The following CACNB2 variants were observed in gnomAD, a reference collection of about 807,000 sequenced individuals.
The protein encoded by CACNB2 is voltage-dependent L-type calcium channel subunit beta-2.
A neutral mutation model predicts 73.3 loss-of-function variants in CACNB2; 42 were observed. That is an observed-to-expected ratio of 0.57 (90% confidence interval 0.45 to 0.74). The LOEUF is 0.74. Among genes scored for constraint, CACNB2 ranks in the 30% least tolerant of loss-of-function variants. The probability of loss-of-function intolerance (pLI) is 0.00; values close to 1 mark genes in which losing one functional copy is unlikely to be tolerated. For synonymous variants in CACNB2, 348 were observed against 310.3 expected (o/e 1.12, Z -1.28); for missense variants, 940 against 853.0 (o/e 1.10, Z -1.27).
intron 2 of CACNB2, among the ~76,000 whole-genome samples, chr10:18,290,761 T>G (rs2039031457): frequency 6.6e-6 from 1 of 152,196 alleles, no homozygotes; most frequent in Non-Finnish European, 1.5e-5. Flanking sequence ...CGGTGTTGCT[T>G]GCTGAGGGGG....
At chr10:18,527,727 T>A in intron 10 of CACNB2, 30 bp downstream of exon 10, 1 of 1,314,472 alleles carries the variant, frequency 7.6e-7, no homozygotes, top group Non-Finnish European at 1.1e-6. Context: ...TTAAGCTTTT[T>A]AAACTCTCCT....
chr10:18,243,729 A>C (rs1311615454), intron 2 of CACNB2, among the ~76,000 whole-genome samples: 1 of 152,130 alleles, frequency 6.6e-6, no homozygotes, highest in African/African-American at 2.4e-5. Context: ...CTCTTGGCAC[A>C]TGATTTCTAC....
intron 2 of CACNB2, among the ~76,000 whole-genome samples, chr10:18,325,945 A>G (rs2040573565): frequency 6.6e-6 from 1 of 152,002 alleles, no homozygotes; most frequent in East Asian, 1.9e-4. Flanking sequence ...TAATTCCTCC[A>G]TATTGCCCAG....
intron 2 of CACNB2, among the ~76,000 whole-genome samples, chr10:18,231,024 T>A: frequency 6.6e-6 from 1 of 152,312 alleles, no homozygotes; most frequent in Non-Finnish European, 1.5e-5. Context: ...AACGAAAGGA[T>A]GCGTCTCAGT....
intron 2 of CACNB2, among the ~76,000 whole-genome samples, chr10:18,301,898 T>A (rs372875919): frequency 6.6e-6 from 1 of 151,894 alleles, no homozygotes; most frequent in African/African-American, 2.4e-5. Context: ...CCTCCCACCT[T>A]GGCCCCCCAG....
intron 2 of CACNB2, among the ~76,000 whole-genome samples, chr10:18,190,791 A>C (rs1588661464): frequency 6.6e-6 from 1 of 152,336 alleles, no homozygotes; most frequent in Middle Eastern, 3.4e-3. Context: ...TATTTCAAGC[A>C]GCATGAAGAG....
intron 1 of CACNB2, among the ~76,000 whole-genome samples, chr10:18,148,543 A>G (rs1588544928): frequency 6.6e-6 from 1 of 152,368 alleles, no homozygotes; most frequent in East Asian, 1.9e-4. Context: ...GAATGTCTTC[A>G]ACATTGTGTG....
At chr10:18,257,813 G>T (rs553970307) in intron 2 of CACNB2, among the ~76,000 whole-genome samples, 1 of 152,046 alleles carries the variant, frequency 6.6e-6, no homozygotes, top group African/African-American at 2.4e-5. Flanking sequence ...GCATGATCTC[G>T]GCTCACTGCA....
chr10:18,217,355 GC>G (rs2035554010), intron 2 of CACNB2, among the ~76,000 whole-genome samples: 1 of 152,016 alleles, frequency 6.6e-6, no homozygotes, highest in Admixed American at 6.5e-5. Context: ...AGAGTGGTGT[GC>G]GCCTATAGAC....
intron 3 of CACNB2, among the ~76,000 whole-genome samples, chr10:18,467,229 TA>T (rs2047941827): frequency 6.6e-6 from 1 of 152,222 alleles, no homozygotes; most frequent in African/African-American, 2.4e-5. Context: ...TAATCTATTC[TA>T]AAGTAATTCA....
At chr10:18,189,234 G>T (rs774097533) in intron 2 of CACNB2, among the ~76,000 whole-genome samples, 1 of 152,022 alleles carries the variant, frequency 6.6e-6, no homozygotes, top group African/African-American at 2.4e-5. Context: ...GGCTTTCAGG[G>T]CTCTTAAACG....
intron 3 of CACNB2, among the ~76,000 whole-genome samples, chr10:18,408,721 T>C (rs765926051): frequency 1.2e-4 from 19 of 152,228 alleles, no homozygotes; most frequent in Non-Finnish European, 2.2e-4. Flanking sequence ...TTTCTCTTGC[T>C]GGATCACGTG....
chr10:18,433,610 C>G (rs192731003), intron 3 of CACNB2, among the ~76,000 whole-genome samples: 2 of 152,062 alleles, frequency 1.3e-5, no homozygotes, highest in East Asian at 1.9e-4. Context: ...CTTTCTCATG[C>G]AAATACTAGA....
chr10:18,155,200 A>C lies in CACNB2; in HGVS notation c.213+4225A>C, dbSNP rs192131622. On this transcript the variant is annotated intron_variant, in intron 2 of 13. Transcript: ENST00000324631. ...ACCTGTCCCCTTTTGGACCTTTCTC[A>C]ATCATATTCCCTCTTTCCTCACTAA... 1.0e-3 allele frequency among the ~76,000 whole-genome samples: 158 copies of C among 152,284 alleles called. 1 individual carries two copies. The highest frequency in any genetic ancestry group is 3.7e-3 in the African/African-American group (155 of 41,558).
intron 2 of CACNB2, among the ~76,000 whole-genome samples, chr10:18,349,694 T>C (rs1452273478): frequency 2.0e-5 from 3 of 149,152 alleles, no homozygotes; most frequent in South Asian, 4.3e-4. Context: ...AGTTAGTGTC[T>C]AATGGGGACA....
chr10:18,520,495 C>T (rs1355973898), intron 9 of CACNB2, among the ~76,000 whole-genome samples: 2 of 152,292 alleles, frequency 1.3e-5, no homozygotes, highest in East Asian at 1.9e-4. Context: ...TGGTTGTTCC[C>T]TTAAAGCCTG....
chr10:18,382,738 C>T (rs542757863), intron 2 of CACNB2, among the ~76,000 whole-genome samples: 3 of 152,294 alleles, frequency 2.0e-5, no homozygotes, highest in African/African-American at 7.2e-5. Flanking sequence ...TTTATGGATG[C>T]ATAGCATTTC....
Position 18,539,489 on chromosome 10 carries a change from C to T in CACNB2, c.1748C>T (p.Ala583Val), listed in dbSNP as rs754378411. The change falls in exon 14 of 14, where the codon GCC becomes GTC. Residue 583 changes from alanine (A) to valine (V), a missense_variant. Physicochemically the swap from Ala to Val is moderately conservative, Grantham distance 64 (BLOSUM62 0). Coordinates refer to ENST00000324631, the MANE Select transcript of CACNB2 (RefSeq NM_201596.3). Reference sequence around the variant, plus strand: ...TCCCATGACCACGTGGACCACTATGCCTCACACCGTGACCACAACCACAGA... The same window carrying T: ...TCCCATGACCACGTGGACCACTATGTCTCACACCGTGACCACAACCACAGA... Reference protein sequence around the residue: ...DYSHDHVDHYASHRDHNHRDE... With the variant: ...DYSHDHVDHYVSHRDHNHRDE... The T allele has an allele frequency of 8.7e-6, 14 of 1,613,956 alleles. No individual in the cohort carries two copies. In the Admixed American group the frequency reaches 2.3e-4, roughly 27 times the overall value.
In CACNB2 at chr10:18,472,239, T is replaced by C. The variant is rs1383578463; in HGVS notation, c.334-26116T>C. Among the ~76,000 whole-genome samples the C allele has an allele frequency of 5.3e-3, 427 of 80,248 alleles. 5 individuals are homozygous for C. The East Asian group carries it at 0.065, about 12-fold the overall frequency. 52.6% of individuals were successfully genotyped at this position (80,248 alleles called of 152,430 possible). The stretch of plus-strand genomic sequence containing the variant: ...TTTTCTTCTTTTTTTTTTTTTTTTT[T>C]TTTTTTTTTTTTTTTGACATGGAGT... On this transcript the variant is annotated intron_variant, in intron 3 of 13. Coordinates refer to ENST00000324631, the MANE Select transcript of CACNB2 (RefSeq NM_201596.3).
Sources: allele counts gnomAD v4.1 joint callset (sites outside exome capture counted in the v4.1 genomes callset), GRCh38; gene constraint gnomAD v4.1.1; transcripts MANE v1.5; gene names NCBI Gene and HGNC (gene_info 2026-07-23, HGNC 2026-07-21).